MAGI1: variants seen among roughly 807,000 people sequenced by gnomAD.
MAGI1 encodes the protein membrane-associated guanylate kinase, WW and PDZ domain-containing protein 1.
In MAGI1, 58 loss-of-function variants were observed where a neutral mutation model predicts 139.9. That is an observed-to-expected ratio of 0.41 (90% CI 0.34 to 0.52). The LOEUF is 0.52. Among genes scored for constraint, MAGI1 ranks in the 20% least tolerant of loss-of-function variants. The pLI is 0.12. For missense variants in MAGI1, 1,874 were observed against 1,901.6 expected (o/e 0.99, Z 0.27); for synonymous variants, 812 against 737.9 (o/e 1.10, Z -1.63).
chr3:65,862,859 A>G (rs2059600068), intron 1 of MAGI1, among the ~76,000 whole-genome samples: 2 of 152,218 alleles, frequency 1.3e-5, no homozygotes, highest in African/African-American at 4.8e-5. Context: ...TCACAGATTA[A>G]GTCACAGAGG....
chr3:65,854,428 G>T (rs2059306581), intron 1 of MAGI1, among the ~76,000 whole-genome samples: 1 of 152,120 alleles, frequency 6.6e-6, no homozygotes, highest in South Asian at 2.1e-4. Context: ...GAAAGAATAG[G>T]TGCATGAGGC....
At chr3:65,458,096 C>T (rs1215419039) in intron 5 of MAGI1, among the ~76,000 whole-genome samples, 1 of 152,096 alleles carries the variant, frequency 6.6e-6, no homozygotes, top group Non-Finnish European at 1.5e-5. Context: ...TAATGACCTC[C>T]AGTTCCACAA....
Position 65,896,796 on chromosome 3 carries a change from T to A in MAGI1, c.313+141200A>T, listed in dbSNP as rs149624773. The stretch of plus-strand genomic sequence containing the variant: ...ATGATAGTGTAAAAGCAGGTGAGGC[T>A]TTTCTTTGACATGGCAACCTGTTCA... On this transcript the variant is annotated intron_variant, in intron 1 of 22. Transcript: ENST00000402939. Among the ~76,000 whole-genome samples, 398 of 152,310 alleles carry A rather than the reference T, an allele frequency of 2.6e-3. 4 individuals are homozygous for A. The highest frequency in any genetic ancestry group is 9.3e-3 in the African/African-American group (386 of 41,568).
At chr3:65,441,606 C>G (rs531493559) in intron 8 of MAGI1, among the ~76,000 whole-genome samples, 1 of 152,286 alleles carries the variant, frequency 6.6e-6, no homozygotes, top group African/African-American at 2.4e-5. Context: ...AATGCATAAA[C>G]TAGTTGAGGG....
rs540141641 is a variant in MAGI1, at chr3:65,667,956, T to C, written c.314-45868A>G. Among the ~76,000 whole-genome samples, 7 of 152,320 alleles carry C rather than the reference T, an allele frequency of 4.6e-5. No homozygotes were observed. The East Asian group carries it at 1.4e-3, about 29-fold the overall frequency. On this transcript the variant is annotated intron_variant, in intron 1 of 22. Transcript: ENST00000402939. ...ATTTTCATCAAGTATAGCTACGTACTAAGAGTTTGCTCCCTGTGTAATGTT... is the reference window on the plus strand; with the variant it reads ...ATTTTCATCAAGTATAGCTACGTACCAAGAGTTTGCTCCCTGTGTAATGTT...
chr3:65,828,262 T>A (rs1056748605), intron 1 of MAGI1, among the ~76,000 whole-genome samples: 3 of 152,222 alleles, frequency 2.0e-5, no homozygotes, highest in Non-Finnish European at 4.4e-5. Flanking sequence ...CATCAGGTTC[T>A]GTCCAAACCT....
intron 1 of MAGI1, among the ~76,000 whole-genome samples, chr3:65,781,412 G>C (rs1027427312): frequency 6.6e-6 from 1 of 152,090 alleles, no homozygotes; most frequent in African/African-American, 2.4e-5. Context: ...TATCTACCTT[G>C]ATCAGGAAAT....
chr3:65,772,765 T>C (rs761430396), intron 1 of MAGI1, among the ~76,000 whole-genome samples: 1 of 152,216 alleles, frequency 6.6e-6, no homozygotes, highest in African/African-American at 2.4e-5. Context: ...GGACAAGACA[T>C]GTTTCCAGGG....
chr3:65,485,421 A>C (rs531650902), intron 3 of MAGI1, among the ~76,000 whole-genome samples: 1 of 152,194 alleles, frequency 6.6e-6, no homozygotes, highest in Non-Finnish European at 1.5e-5. Context: ...TGAGTGAGGT[A>C]AGGGACCTCT....
At chr3:65,994,782 G>A (rs1027878010) in intron 1 of MAGI1, among the ~76,000 whole-genome samples, 2 of 152,190 alleles carry the variant, frequency 1.3e-5, no homozygotes, top group African/African-American at 4.8e-5. Context: ...CACAAGCCCT[G>A]TGTACCTTCA....
At position 65,414,245 on chromosome 3, in the gene MAGI1, C is replaced by T. The variant is rs563675974; in HGVS notation, c.2168-12775G>A. On this transcript the variant is annotated intron_variant, in intron 12 of 22. Transcript: ENST00000402939. Reference sequence around the variant, plus strand: ...AGCTATGGATATTTTGGGGTGCCCTCGAGCACACTAAAGGTGCTCGGTTCA... The same window carrying T: ...AGCTATGGATATTTTGGGGTGCCCTTGAGCACACTAAAGGTGCTCGGTTCA... Among the ~76,000 whole-genome samples the T allele has an allele frequency of 6.6e-5, 10 of 152,286 alleles. No individual in the cohort carries two copies. The East Asian group carries it at 7.7e-4, about 12-fold the overall frequency.
rs188451734 is a variant in MAGI1, at chr3:65,510,006, G to A, written c.431-16375C>T. ...AGTGGGTCCCTGACCCCTGACCCCCGAGCACCCTAACTGGGAGGCAGCCCC... is the reference window on the plus strand; with the variant it reads ...AGTGGGTCCCTGACCCCTGACCCCCAAGCACCCTAACTGGGAGGCAGCCCC... On this transcript the variant is annotated intron_variant, in intron 2 of 22. Coordinates refer to ENST00000402939, the MANE Select transcript of MAGI1 (RefSeq NM_001033057.2). Among the ~76,000 whole-genome samples the A allele has an allele frequency of 5.5e-3, 835 of 152,202 alleles. 7 individuals are homozygous for A. The highest frequency in any genetic ancestry group is 0.019 in the African/African-American group (774 of 41,550).
chr3:65,921,015 C>T (rs1000877237), intron 1 of MAGI1, among the ~76,000 whole-genome samples: 2 of 150,038 alleles, frequency 1.3e-5, no homozygotes, highest in African/African-American at 4.9e-5. Context: ...GGTGACAGAG[C>T]AAGGTTCTGT....
chr3:65,751,159 C>G (rs931692), intron 1 of MAGI1, among the ~76,000 whole-genome samples: 123,531 of 151,810 alleles, frequency 0.81, 50,587 homozygotes, highest in East Asian at 0.91. Context: ...GATTAAAACC[C>G]TAAAACTAGT....
chr3:65,834,104 T>C (rs1456503556), intron 1 of MAGI1, among the ~76,000 whole-genome samples: 4 of 152,190 alleles, frequency 2.6e-5, no homozygotes, highest in African/African-American at 7.2e-5. Context: ...CACCAGCTGA[T>C]AGATAAACAA....
rs1362948010 is a variant in MAGI1 at position 65,356,864 on chromosome 3, C to G, written c.3903G>C (p.Pro1301=). 1.2e-6 allele frequency: 2 copies of G among 1,614,090 alleles called. No homozygotes were observed. The highest frequency in any genetic ancestry group is 8.5e-7 in the Non-Finnish European group (1 of 1,179,954). ...SGACRPKDRA[P]EGRRDAQAER... Reference sequence around the variant, plus strand: ...CGGCCTGCGCGTCCCTCCGTCCCTCCGGCGCCCGGTCCTTGGGTCGGCATG... The same window carrying G: ...CGGCCTGCGCGTCCCTCCGTCCCTCGGGCGCCCGGTCCTTGGGTCGGCATG... The change falls in exon 23 of 23, where the codon CCG becomes CCC. Residue 1301 remains proline, a synonymous_variant. Transcript: ENST00000402939.
intron 2 of MAGI1, among the ~76,000 whole-genome samples, chr3:65,523,868 G>A (rs905908303): frequency 6.6e-6 from 1 of 152,132 alleles, no homozygotes; most frequent in Non-Finnish European, 1.5e-5. Flanking sequence ...TACTTTCAGA[G>A]TAAGAAGCCT....
intron 21 of MAGI1, 48 bp downstream of exon 21, chr3:65,363,417 C>T (rs1379657320): frequency 1.3e-6 from 2 of 1,555,576 alleles, no homozygotes; most frequent in Admixed American, 3.9e-5. Context: ...CAAGAATTCA[C>T]TGCAGATGGT....
chr3:65,676,846 C>G (rs1576688451), intron 1 of MAGI1, among the ~76,000 whole-genome samples: 1 of 152,320 alleles, frequency 6.6e-6, no homozygotes, highest in East Asian at 1.9e-4. Flanking sequence ...TCTGGAGGGA[C>G]ACTATTGTGT....
Sources: gnomAD v4.1 joint callset for allele counts (sites outside exome capture counted in the v4.1 genomes callset) on GRCh38, gnomAD v4.1.1 for gene constraint, MANE v1.5 for transcripts, NCBI Gene and HGNC (gene_info 2026-07-23, HGNC 2026-07-21) for gene names.